Variants in LARGE1 observed in about 807,000 individuals in gnomAD.
The protein encoded by LARGE1 is xylosyl- and glucuronyltransferase LARGE1.
In LARGE1, 43 loss-of-function variants were observed where a neutral mutation model predicts 87.6. The ratio of observed to expected loss-of-function variants is 0.49; its 90% confidence interval spans 0.38 to 0.63. The LOEUF is 0.63. LARGE1 is among the 30% of genes least tolerant of loss of function. The pLI is 0.00. For missense variants in LARGE1, 802 were observed against 1,000.2 expected, an observed-to-expected ratio of 0.80 and a Z score of 2.67; for synonymous variants, 434 against 394.6, an observed-to-expected ratio of 1.10 and a Z score of -1.18.
the LARGE1 span, among the ~76,000 whole-genome samples, chr22:33,077,501 G>A: frequency 6.6e-6 from 1 of 152,168 alleles, no homozygotes. Flanking sequence ...GTGGAGAGCA[G>A]ATTGGATATG....
intron 6 of LARGE1, among the ~76,000 whole-genome samples, chr22:33,520,663 G>A (rs1177194420): frequency 6.6e-6 from 1 of 152,210 alleles, no homozygotes; most frequent in Non-Finnish European, 1.5e-5. Context: ...CTGACTCCCG[G>A]AAGTGTTCTG....
chr22:33,242,870 C>A (rs989900779), intron 11 of LARGE1, among the ~76,000 whole-genome samples: 2 of 152,216 alleles, frequency 1.3e-5, no homozygotes. Context: ...ACACCAGCTT[C>A]TGGTGGTTTG....
At chr22:33,812,361 T>A (rs991275679) in intron 1 of LARGE1, among the ~76,000 whole-genome samples, 2 of 152,218 alleles carry the variant, frequency 1.3e-5, no homozygotes, top group Non-Finnish European at 2.9e-5. Flanking sequence ...TGGCTTCATT[T>A]TGGACGAGGC....
intron 10 of LARGE1, among the ~76,000 whole-genome samples, chr22:33,328,318 G>A (rs1028633389): frequency 3.9e-5 from 6 of 151,962 alleles, no homozygotes; most frequent in East Asian, 1.9e-4. Context: ...GCAGTGGCTC[G>A]CGCCTGTAAT....
At chr22:33,557,680 C>T (rs1228118050) in intron 6 of LARGE1, among the ~76,000 whole-genome samples, 1 of 152,160 alleles carries the variant, frequency 6.6e-6, no homozygotes, top group African/African-American at 2.4e-5. Context: ...ATTCTCCTGC[C>T]TCAGCCTCCC....
At chr22:33,112,842 G>A in the LARGE1 span, among the ~76,000 whole-genome samples, 1 of 152,162 alleles carries the variant, frequency 6.6e-6, no homozygotes, top group South Asian at 2.1e-4. Flanking sequence ...GGTACAAAAA[G>A]CCCACAGGAG....
chr22:33,617,193 T>C (rs1306162321), intron 4 of LARGE1, among the ~76,000 whole-genome samples: 1 of 152,244 alleles, frequency 6.6e-6, no homozygotes, highest in Non-Finnish European at 1.5e-5. Context: ...GCTCTATTTG[T>C]GGCCACAGTT....
the LARGE1 span, chr22:33,105,704 C>T: frequency 6.6e-6 from 1 of 152,214 alleles, no homozygotes; most frequent in Non-Finnish European, 1.5e-5. Context: ...AGAAACATCC[C>T]GTTGCGCCTG....
chr22:33,382,693 C>T (rs1034891720), intron 8 of LARGE1, among the ~76,000 whole-genome samples: 19 of 152,090 alleles, frequency 1.2e-4, no homozygotes, highest in Non-Finnish European at 2.1e-4. Flanking sequence ...ACAGGTGGCG[C>T]CGGGAGGTGA....
chr22:33,079,714 G>C, the LARGE1 span, among the ~76,000 whole-genome samples: 4 of 152,264 alleles, frequency 2.6e-5, no homozygotes, highest in African/African-American at 7.2e-5. Flanking sequence ...TTACAAAGTT[G>C]GTTGGCAATA....
chr22:33,103,816 A>G, the LARGE1 span, among the ~76,000 whole-genome samples: 1 of 152,162 alleles, frequency 6.6e-6, no homozygotes, highest in African/African-American at 2.4e-5. Context: ...GAGAGGAGAT[A>G]ATTGAATCAT....
intron 6 of LARGE1, among the ~76,000 whole-genome samples, chr22:33,456,279 ACTTAGACACAATCACCAACCCCAT>A (rs1213656716): frequency 2.0e-5 from 3 of 152,192 alleles, no homozygotes; most frequent in Non-Finnish European, 4.4e-5. Flanking sequence ...GCCACTGAAG[ACTTAGACACAATCACCAACCCCAT>A]CTATACCGAG....
chr22:33,531,022 G>GT (rs1448593982), intron 6 of LARGE1, among the ~76,000 whole-genome samples: 1 of 152,202 alleles, frequency 6.6e-6, no homozygotes, highest in Non-Finnish European at 1.5e-5. Context: ...ACTAACAGAT[G>GT]TGAGAGTCTT....
At chr22:33,545,682 G>C (rs749233593) in intron 6 of LARGE1, among the ~76,000 whole-genome samples, 1 of 152,048 alleles carries the variant, frequency 6.6e-6, no homozygotes, top group African/African-American at 2.4e-5. Flanking sequence ...CAAGTGATCT[G>C]TCTGCCTCGG....
intron 11 of LARGE1, among the ~76,000 whole-genome samples, chr22:33,315,307 T>C (rs1203547426): frequency 1.3e-5 from 2 of 152,152 alleles, no homozygotes; most frequent in African/African-American, 4.8e-5. Context: ...GGTGATTCAA[T>C]CTCCCTGGAC....
chr22:33,190,659 C>G (rs767987462), intron 11 of LARGE1, among the ~76,000 whole-genome samples: 6 of 151,926 alleles, frequency 3.9e-5, no homozygotes, highest in Non-Finnish European at 8.8e-5. Context: ...GGGAGGGGTC[C>G]GATCAGTTTC....
intron 9 of LARGE1, among the ~76,000 whole-genome samples, chr22:33,356,813 A>C (rs1182046229): frequency 6.6e-6 from 1 of 152,160 alleles, no homozygotes; most frequent in Non-Finnish European, 1.5e-5. Flanking sequence ...AGAAGAGAAA[A>C]CAAAAGAAAC....
chr22:33,750,239 T>C (rs1284668934), intron 2 of LARGE1, among the ~76,000 whole-genome samples: 1 of 152,172 alleles, frequency 6.6e-6, no homozygotes, highest in Non-Finnish European at 1.5e-5. Flanking sequence ...AAATGGATCA[T>C]CCGAGCACTG....
chr22:33,761,869 T>C (rs573463895), intron 1 of LARGE1, among the ~76,000 whole-genome samples: 1 of 152,050 alleles, frequency 6.6e-6, no homozygotes, highest in South Asian at 2.1e-4. Flanking sequence ...TAAAGGAGCA[T>C]TTAGTTAGCA....
Sources: allele counts gnomAD v4.1 joint callset (sites outside exome capture counted in the v4.1 genomes callset), GRCh38; gene constraint gnomAD v4.1.1; transcripts MANE v1.5; gene names NCBI Gene and HGNC (gene_info 2026-07-23, HGNC 2026-07-21).